LRMDA: variants seen among roughly 807,000 people sequenced by gnomAD.
LRMDA encodes the protein leucine-rich melanocyte differentiation-associated protein.
A neutral mutation model predicts 29.8 loss-of-function variants in LRMDA; 18 were observed. The ratio of observed to expected loss-of-function variants is 0.60; its 90% CI spans 0.42 to 0.90. LRMDA has a LOEUF of 0.90. Among genes scored for constraint, LRMDA ranks in the 40% least tolerant of loss-of-function variants. LRMDA has a pLI of 0.00. For synonymous variants in LRMDA, 125 were observed against 109.4 expected (o/e 1.14, Z -0.89); for missense variants, 273 against 273.9 (o/e 1.00, Z 0.02).
At chr10:76,089,333 C>T (rs1404951024) in intron 5 of LRMDA, among the ~76,000 whole-genome samples, 1 of 152,050 alleles carries the variant, frequency 6.6e-6, no homozygotes, top group African/African-American at 2.4e-5. Flanking sequence ...GTTTGATTGT[C>T]GATGGAAATA....
chr10:75,976,459 T>G (rs1324110599), intron 2 of LRMDA, among the ~76,000 whole-genome samples: 1 of 152,200 alleles, frequency 6.6e-6, no homozygotes, highest in Non-Finnish European at 1.5e-5. Flanking sequence ...CAAGTGCTGT[T>G]TATTCATTTG....
Position 75,545,303 on chromosome 10 carries a change from TA to T in LRMDA, c.131+106810del, listed in dbSNP as rs532903969. Among the ~76,000 whole-genome samples the T allele has an allele frequency of 2.6e-5, 4 of 152,240 alleles. No homozygotes were observed. In the East Asian group the frequency reaches 7.7e-4, roughly 29 times the overall value. The stretch of plus-strand genomic sequence containing the variant: ...AAACTACAATCTGTTAATCAAGTGT[TA>T]CGGAGAGTTTGGAGCTGGTCTGGGG... On this transcript the variant is annotated intron_variant, in intron 2 of 6. Transcript: ENST00000611255.
intron 4 of LRMDA, among the ~76,000 whole-genome samples, chr10:76,049,177 G>C (rs537738826): frequency 4.6e-5 from 7 of 152,270 alleles, no homozygotes; most frequent in African/African-American, 1.7e-4. Context: ...GCTAGCCTGG[G>C]CACCCTCCAA....
intron 5 of LRMDA, among the ~76,000 whole-genome samples, chr10:76,205,134 G>A (rs1403161850): frequency 2.0e-5 from 3 of 152,170 alleles, no homozygotes; most frequent in Non-Finnish European, 2.9e-5. Context: ...ACTTAAAAAA[G>A]AGAGGAAAAG....
intron 5 of LRMDA, among the ~76,000 whole-genome samples, chr10:76,260,199 C>T (rs1839915608): frequency 1.3e-5 from 2 of 151,930 alleles, no homozygotes; most frequent in South Asian, 2.1e-4. Context: ...TAGATGTTCC[C>T]TGTAGTGATA....
intron 6 of LRMDA, among the ~76,000 whole-genome samples, chr10:76,521,279 G>A (rs1589223733): frequency 2.6e-5 from 4 of 151,922 alleles, no homozygotes; most frequent in African/African-American, 7.2e-5. Flanking sequence ...GACTACAGGC[G>A]CCTGCCACCA....
At chr10:75,546,255 A>C (rs542366877) in intron 2 of LRMDA, among the ~76,000 whole-genome samples, 1 of 152,298 alleles carries the variant, frequency 6.6e-6, no homozygotes, top group East Asian at 1.9e-4. Context: ...CATTTGCAAG[A>C]TGGTGGGTGA....
intron 2 of LRMDA, among the ~76,000 whole-genome samples, chr10:75,999,101 A>T (rs1243208553): frequency 6.6e-6 from 1 of 152,224 alleles, no homozygotes; most frequent in Non-Finnish European, 1.5e-5. Context: ...ACAACCCAGA[A>T]AGCCGGGAAA....
intron 2 of LRMDA, among the ~76,000 whole-genome samples, chr10:75,732,588 C>T (rs999437898): frequency 2.0e-5 from 3 of 152,118 alleles, no homozygotes; most frequent in African/African-American, 7.2e-5. Context: ...CTTGACCATC[C>T]CCCTTCTCTG....
At chr10:76,186,960 TTTC>T (rs1264424761) in intron 5 of LRMDA, among the ~76,000 whole-genome samples, 26 of 152,340 alleles carry the variant, frequency 1.7e-4, no homozygotes, top group African/African-American at 5.8e-4. Context: ...TTAGTTTTAA[TTTC>T]TTCAAGATAA....
At chr10:75,748,233 A>G (rs897781820) in intron 2 of LRMDA, among the ~76,000 whole-genome samples, 10 of 152,204 alleles carry the variant, frequency 6.6e-5, no homozygotes, top group Middle Eastern at 6.8e-3. Flanking sequence ...AGCTGGGATT[A>G]TAGGCACACA....
intron 6 of LRMDA, among the ~76,000 whole-genome samples, chr10:76,428,072 T>G (rs796329894): frequency 1.5e-4 from 23 of 152,310 alleles, no homozygotes; most frequent in African/African-American, 2.4e-4. Context: ...TCTCTTTTTT[T>G]TTGTTGTGTC....
chr10:75,710,440 C>G (rs1376387567), intron 2 of LRMDA, among the ~76,000 whole-genome samples: 1 of 152,220 alleles, frequency 6.6e-6, no homozygotes, highest in Non-Finnish European at 1.5e-5. Flanking sequence ...GAGCACTGAA[C>G]TGAGAATACT....
At chr10:76,486,390 A>G (rs1842782738) in intron 6 of LRMDA, among the ~76,000 whole-genome samples, 1 of 151,830 alleles carries the variant, frequency 6.6e-6, no homozygotes, top group Non-Finnish European at 1.5e-5. Flanking sequence ...CATTCTGGAT[A>G]CCTTCACTGC....
intron 6 of LRMDA, among the ~76,000 whole-genome samples, chr10:76,504,964 C>G (rs1234104125): frequency 6.6e-6 from 1 of 151,972 alleles, no homozygotes; most frequent in Non-Finnish European, 1.5e-5. Context: ...GTATAGCACT[C>G]TGTTAAGGAC....
intron 6 of LRMDA, among the ~76,000 whole-genome samples, chr10:76,336,576 G>A (rs572205191): frequency 1.3e-5 from 2 of 152,126 alleles, no homozygotes; most frequent in Non-Finnish European, 2.9e-5. Flanking sequence ...ATGACAAGAG[G>A]GGGTGGGGAG....
intron 5 of LRMDA, among the ~76,000 whole-genome samples, chr10:76,297,911 A>G (rs948141758): frequency 6.6e-6 from 1 of 152,222 alleles, no homozygotes; most frequent in African/African-American, 2.4e-5. Flanking sequence ...ACAAATAGGT[A>G]AAAGCACATA....
intron 2 of LRMDA, among the ~76,000 whole-genome samples, chr10:75,521,154 G>T (rs3012048): frequency 2.6e-5 from 4 of 151,820 alleles, no homozygotes; most frequent in African/African-American, 9.7e-5. Flanking sequence ...TTAGACTACA[G>T]GGGGGTCAGG....
intron 2 of LRMDA, among the ~76,000 whole-genome samples, chr10:75,637,503 C>T (rs567772196): frequency 1.3e-4 from 20 of 152,124 alleles, no homozygotes; most frequent in South Asian, 8.3e-4. Flanking sequence ...ATCATTTGCT[C>T]CAGGAGACTA....
Sources: gnomAD v4.1 joint callset for allele counts (sites outside exome capture counted in the v4.1 genomes callset) on GRCh38, gnomAD v4.1.1 for gene constraint, MANE v1.5 for transcripts, NCBI Gene and HGNC (gene_info 2026-07-23, HGNC 2026-07-21) for gene names.